Variants in IQANK1 observed in about 807,000 individuals in gnomAD.
The protein encoded by IQANK1 is IQ motif and ankyrin repeat containing 1.
In IQANK1, 30 loss-of-function variants were observed where a neutral mutation model predicts 22.6. That is an observed-to-expected ratio of 1.33 (90% confidence interval 0.99 to 1.80). IQANK1 has a LOEUF of 1.80. IQANK1 is among the 40% of genes most tolerant of loss of function. IQANK1 has a pLI of 0.00. For synonymous variants in IQANK1, 122 were observed against 99.6 expected (o/e 1.23, Z -1.34); for missense variants, 275 against 235.2 (o/e 1.17, Z -1.11).
At chr8:143,788,694 G>A (rs1819943449) in intron 7 of IQANK1, among the ~76,000 whole-genome samples, 1 of 152,230 alleles carries the variant, frequency 6.6e-6, no homozygotes, top group Non-Finnish European at 1.5e-5. Flanking sequence ...CTTGGTCAGG[G>A]AGCCCAGGAG....
At chr8:143,757,462 A>G (rs1181039710) in intron 3 of IQANK1, among the ~76,000 whole-genome samples, 2 of 150,860 alleles carry the variant, frequency 1.3e-5, no homozygotes, top group African/African-American at 4.9e-5. Flanking sequence ...TCAGCCTCCC[A>G]AGTAGCTGAG....
intron 3 of IQANK1, among the ~76,000 whole-genome samples, chr8:143,747,169 G>A (rs538844379): frequency 1.2e-3 from 185 of 152,272 alleles, no homozygotes; most frequent in African/African-American, 4.1e-3. Context: ...GTGAGCCACC[G>A]CGCCCGGCCT....
chr8:143,746,937 TG>T (rs555369674), intron 3 of IQANK1, among the ~76,000 whole-genome samples: 23 of 152,256 alleles, frequency 1.5e-4, no homozygotes, highest in African/African-American at 5.3e-4. Flanking sequence ...TGGAGTGCAG[TG>T]GCACTATCTC....
chr8:143,785,351 G>T (rs1199684341), intron 7 of IQANK1, among the ~76,000 whole-genome samples: 2 of 149,488 alleles, frequency 1.3e-5, no homozygotes, highest in Non-Finnish European at 3.0e-5. Flanking sequence ...CTGCCTCCCA[G>T]GTTCAAGCGA....
Position 143,772,370 on chromosome 8 carries a change from C to G in IQANK1, c.677C>G (p.Pro226Arg), listed in dbSNP as rs1368705632. The G allele has an allele frequency of 1.0e-5, 4 of 399,054 alleles. No homozygotes were observed. Among genetic ancestry groups the G allele is most frequent in the Non-Finnish European group, 1.8e-5 (4 of 226,226 alleles). The allele number at this position is 399,054 out of a possible 1,614,324, so 24.7% of individuals were successfully genotyped here. The stretch of plus-strand genomic sequence containing the variant: ...CCCGTCTTGCAGGGCGCTTTCGGTC[C>G]GACGCCGCTGTACCGTGCAGCCTTT... Reference protein sequence around the residue: ...ASPNSKGAFGPTPLYRAAFGG... With the variant: ...ASPNSKGAFGRTPLYRAAFGG... Residue 226 changes from proline to arginine, a missense_variant, in exon 7 of 14, where the codon CCG becomes CGG. Pro to Arg is a moderately radical substitution (Grantham distance 103). Transcript: ENST00000527139.
intron 9 of IQANK1, 38 bp from the exon 10 acceptor site, chr8:143,789,398 G>A: frequency 8.9e-7 from 1 of 1,127,258 alleles, no homozygotes; most frequent in Non-Finnish European, 1.1e-6. Flanking sequence ...GGAGGATACT[G>A]GCCAGCCTTG....
At chr8:143,779,129 TATAAAC>T (rs1168449608) in intron 7 of IQANK1, among the ~76,000 whole-genome samples, 2 of 152,220 alleles carry the variant, frequency 1.3e-5, no homozygotes, top group African/African-American at 4.8e-5. Flanking sequence ...TTTATGAACT[TATAAAC>T]ATATATAAAT....
intron 11 of IQANK1, 37 bp downstream of exon 11, chr8:143,789,906 CAT>C: frequency 8.1e-7 from 1 of 1,231,454 alleles, no homozygotes; most frequent in Non-Finnish European, 1.0e-6. Context: ...GGGGCTGGGA[CAT>C]ACAGCCCAGG....
chr8:143,739,391 T>G (rs1818833008), intron 2 of IQANK1: 1 of 154,396 alleles, frequency 6.5e-6, no homozygotes, highest in Non-Finnish European at 1.4e-5. Flanking sequence ...CTCCTGCTCC[T>G]GTTCAGTCCT....
intron 3 of IQANK1, among the ~76,000 whole-genome samples, chr8:143,761,063 G>C (rs1422896829): frequency 1.3e-5 from 2 of 152,224 alleles, no homozygotes; most frequent in Non-Finnish European, 2.9e-5. Context: ...TCCTGAACCA[G>C]GGCGTCAATG....
Position 143,771,909 on chromosome 8 carries a change from C to T in IQANK1, c.415C>T (p.Leu139=), listed in dbSNP as rs1247774513. 508 of 393,026 alleles carry T rather than the reference C, an allele frequency of 1.3e-3. 3 individuals are homozygous for T. The highest frequency in any genetic ancestry group is 1.1e-4 in the Non-Finnish European group (25 of 223,230). 24.3% of individuals were successfully genotyped at this position (393,026 alleles called of 1,614,324 possible). A position where few individuals can be genotyped will look rare whatever the true frequency, so the allele number is the denominator to read the frequency against. ...GGAGGAGCTGCAGCGTCGCCGCCGC[C>T]TGCTGGACGCCGCCTTCGACGGGGA... ...RREELQRRRR[L]LDAAFDGDVG... Residue 139 remains leucine (L), a synonymous_variant, in exon 5 of 14, where the codon CTG becomes TTG. Coordinates refer to ENST00000527139, the MANE Select transcript of IQANK1 (RefSeq NM_001381874.1). This position sits in a 1 kb window ranked among gnomAD's most constrained non-coding sequence, Gnocchi z 6.0.
chr8:143,751,664 G>GTGTGTGTGTGTATATATATATATATA (rs370428606), intron 3 of IQANK1, among the ~76,000 whole-genome samples: 1 of 61,550 alleles, frequency 1.6e-5, no homozygotes, highest in African/African-American at 4.4e-5. Context: ...GTGTGTGTGT[G>GTGTGTGTGTGTATATATATATATATA]TATATATATA....
intron 3 of IQANK1, chr8:143,742,298 G>C: frequency 2.3e-6 from 1 of 441,440 alleles, no homozygotes; most frequent in African/African-American, 2.0e-5. Flanking sequence ...GTGATGAGGT[G>C]CCCCCCGGGG....
chr8:143,786,945 G>A (rs899822014), intron 7 of IQANK1, among the ~76,000 whole-genome samples: 13 of 152,314 alleles, frequency 8.5e-5, no homozygotes, highest in South Asian at 2.1e-4. Context: ...GGGGCTGATC[G>A]AGGAATACAG....
intron 3 of IQANK1, among the ~76,000 whole-genome samples, chr8:143,768,293 C>T (rs1174835386): frequency 2.0e-5 from 3 of 152,066 alleles, no homozygotes; most frequent in African/African-American, 7.2e-5. Context: ...CCGCTTGTGA[C>T]GTTGCCCTCG....
chr8:143,747,956 T>TC (rs782436554), intron 3 of IQANK1, among the ~76,000 whole-genome samples: 3 of 126,596 alleles, frequency 2.4e-5, no homozygotes, highest in African/African-American at 9.7e-5. Context: ...TCCTTTCCTT[T>TC]CCTTTCCTTT....
At chr8:143,750,139 C>T (rs1269456541) in intron 3 of IQANK1, among the ~76,000 whole-genome samples, 2 of 151,938 alleles carry the variant, frequency 1.3e-5, no homozygotes, top group Admixed American at 1.3e-4. Context: ...GCTGGGATTA[C>T]AGGCATGCGC....
At chr8:143,740,965 G>A (rs1818895343) in intron 3 of IQANK1, among the ~76,000 whole-genome samples, 2 of 152,222 alleles carry the variant, frequency 1.3e-5, no homozygotes, top group Non-Finnish European at 2.9e-5. Context: ...AGCTATGAGA[G>A]GAAGCACGGA....
At chr8:143,784,030 C>G (rs1467327963) in intron 7 of IQANK1, among the ~76,000 whole-genome samples, 2 of 152,222 alleles carry the variant, frequency 1.3e-5, no homozygotes, top group Non-Finnish European at 2.9e-5. Context: ...TGTTTTTCTT[C>G]ATGCTTGGGT....
Sources: gnomAD v4.1 joint callset for allele counts (sites outside exome capture counted in the v4.1 genomes callset) on GRCh38, gnomAD v4.1.1 for gene constraint, Gnocchi (gnomAD v3.1) non-coding constraint, MANE v1.5 for transcripts, NCBI Gene and HGNC (gene_info 2026-07-23, HGNC 2026-07-21) for gene names.